SACS: variants seen among roughly 807,000 people sequenced by gnomAD.
SACS encodes the protein sacsin molecular chaperone.
SACS carries 197 observed loss-of-function variants against 348.0 expected under a neutral mutation model. That is an observed-to-expected ratio of 0.57 (90% CI 0.50 to 0.64). The LOEUF is 0.64. Among genes scored for constraint, SACS ranks in the 30% least tolerant of loss-of-function variants. The probability of loss-of-function intolerance (pLI) is 0.00; values close to 1 mark genes in which losing one functional copy is unlikely to be tolerated. For synonymous variants in SACS, 1,985 were observed against 1,910.6 expected (o/e 1.04, Z -1.02); for missense variants, 4,999 against 5,360.8 (o/e 0.93, Z 2.11).
At chr13:23,412,190 T>C (rs867667732) in intron 1 of SACS, among the ~76,000 whole-genome samples, 8 of 151,794 alleles carry the variant, frequency 5.3e-5, no homozygotes, top group Middle Eastern at 6.8e-3. Context: ...ACCCGGGAGG[T>C]GGAGCTTGCA....
chr13:23,332,920 T>G lies in SACS; in HGVS notation c.10956A>C (p.Pro3652=). ...GNFLKELSLI[P]FLCPERAPAE... is the part of the protein sequence containing the mutation. ...CGGGGGCCCGCTCAGGACATAAGAA[T>G]GGTATTAAAGATAGTTCTTTCAGAA... Residue 3652 remains proline (P), a synonymous_variant, in exon 10 of 10, where the codon CCA becomes CCC. Transcript: ENST00000382292. 1 of 1,613,918 alleles carries G rather than the reference T, an allele frequency of 6.2e-7. No individual in the cohort carries two copies. The highest frequency in any genetic ancestry group is 1.3e-5 in the African/African-American group (1 of 75,056).
In SACS at chr13:23,405,383, T is replaced by A. The variant is rs12583530; in HGVS notation, c.20+5837A>T. ...TTGCAGAAAACTGAAACTGGACTCC[T>A]TACACCTTATACAAACATTAACTCA... On this transcript the variant is annotated intron_variant, in intron 2 of 9. Coordinates refer to ENST00000382292, the MANE Select transcript of SACS (RefSeq NM_014363.6). 6.6e-5 allele frequency among the ~76,000 whole-genome samples: 10 copies of A among 151,962 alleles called. No individual in the cohort carries two copies. The Middle Eastern group carries it at 0.01, about 156-fold the overall frequency.
In SACS at chr13:23,336,010, A is replaced by T; in HGVS notation, c.7866T>A (p.Tyr2622Ter). The T allele has an allele frequency of 6.2e-7, 1 of 1,613,156 alleles. No homozygotes were observed. Among genetic ancestry groups the T allele is most frequent in the Admixed American group, 1.7e-5 (1 of 59,994 alleles). Residue 2622 changes from tyrosine (Y) to a stop codon, truncating the protein, a stop_gained, in exon 10 of 10, where the codon TAT becomes TAA. Coordinates refer to ENST00000382292, the MANE Select transcript of SACS (RefSeq NM_014363.6). LOFTEE classifies it high-confidence loss of function. ...GATACACAGAATTGAATCCTATTCC[A>T]TACTGTCCAGTTTTATAAGGATTTC... ...KEGNPYKTGQ[Y>*]GIGFNSVYHI...
At position 23,429,345 on chromosome 13, in the gene SACS, A is replaced by ATTTTTTTTTTT. The variant is rs536939164; in HGVS notation, c.-502+4259_-502+4269dup. Reference sequence around the variant, plus strand: ...CTGTGATTCAGTCGTTGAGGTAGGGATTTTTTTTTTTTTTTTTTTTTTTTT... The same window carrying ATTTTTTTTTTT: ...CTGTGATTCAGTCGTTGAGGTAGGGATTTTTTTTTTTTTTTTTTTTTTTTTTTTTTTTTTTT... On this transcript the variant is annotated intron_variant, in intron 1 of 9. Transcript: ENST00000382292. Among the ~76,000 whole-genome samples, 48 of 51,474 alleles carry ATTTTTTTTTTT rather than the reference A, an allele frequency of 9.3e-4. 5 individuals are homozygous for ATTTTTTTTTTT. The highest frequency in any genetic ancestry group is 1.3e-3 in the Non-Finnish European group (38 of 28,790). 33.8% of individuals were successfully genotyped at this position (51,474 alleles called of 152,430 possible).
In SACS at chr13:23,358,521, A is replaced by G; in HGVS notation, c.458-40T>C. 1.9e-6 allele frequency: 3 copies of G among 1,609,888 alleles called. No individual in the cohort carries two copies. The South Asian group carries it at 3.3e-5, about 18-fold the overall frequency. ...GCGCAGGCAGGAATTCAAAAAAGAT[A>G]CCAGGGTGTTCTGTTCTATCTCAAG... is the stretch of plus-strand genomic sequence containing the variant. On this transcript the variant is annotated intron_variant, in intron 6 of 9. Coordinates refer to ENST00000382292, the MANE Select transcript of SACS (RefSeq NM_014363.6).
intron 2 of SACS, chr13:23,375,599 G>A (rs1871741423): frequency 4.0e-6 from 4 of 1,004,824 alleles, no homozygotes; most frequent in Non-Finnish European, 4.8e-6. Flanking sequence ...GGCGCCGCCC[G>A]CGGGGACACG....
At chr13:23,429,938 G>T in intron 1 of SACS, among the ~76,000 whole-genome samples, 1 of 151,872 alleles carries the variant, frequency 6.6e-6, no homozygotes, top group East Asian at 1.9e-4. Context: ...AATATTGGCT[G>T]GGCTCACGCC....
In SACS at chr13:23,371,087, T is replaced by C; in HGVS notation, c.250A>G (p.Lys84Glu). The change falls in exon 4 of 10, where the codon AAA (lysine) becomes GAA (glutamate). Residue 84 changes from lysine (K) to glutamate (E), a missense_variant. By Grantham distance (56) the Lys-to-Glu change is moderately conservative (BLOSUM62 1). Coordinates refer to ENST00000382292, the MANE Select transcript of SACS (RefSeq NM_014363.6). ...AAAGTCAATATTATACCTCCCCCTT[T>C]TAAGCCTTTTGATTGAAGGTTTACA... ...LFVNLQSKGLKGGGRFGQTTP... is the reference protein window; with the variant it reads ...LFVNLQSKGLEGGGRFGQTTP... 6.2e-7 allele frequency: 1 copy of C among 1,600,070 alleles called. No homozygotes were observed. The highest frequency in any genetic ancestry group is 1.3e-5 in the African/African-American group (1 of 74,760).
chr13:23,433,311 A>G (rs1391687857), intron 1 of SACS, among the ~76,000 whole-genome samples: 2 of 152,148 alleles, frequency 1.3e-5, no homozygotes, highest in Non-Finnish European at 2.9e-5. Context: ...AGATCTCTCT[A>G]GTCACCCTGC....
Position 23,341,723 on chromosome 13 carries a change from A to G in SACS, c.2186-33T>C, listed in dbSNP as rs201638502. On this transcript the variant is annotated intron_variant, in intron 9 of 9. Transcript: ENST00000382292. Reference sequence around the variant, plus strand: ...TCATACACAGAAATGTCATAAATACATATAATTCTACTACAACAGCTTTCT... The same window carrying G: ...TCATACACAGAAATGTCATAAATACGTATAATTCTACTACAACAGCTTTCT... The G allele has an allele frequency of 9.9e-5, 156 of 1,575,288 alleles. No individual in the cohort carries two copies. The East Asian group carries it at 2.7e-3, about 28-fold the overall frequency.
intron 3 of SACS, among the ~76,000 whole-genome samples, chr13:23,371,439 A>C (rs1375633585): frequency 6.6e-6 from 1 of 152,256 alleles, no homozygotes. Flanking sequence ...TAAATGATGA[A>C]TCGGGATCAT....
intron 3 of SACS, among the ~76,000 whole-genome samples, chr13:23,374,872 A>C (rs969632499): frequency 6.6e-6 from 1 of 152,168 alleles, no homozygotes; most frequent in African/African-American, 2.4e-5. Context: ...TCCAATGTCC[A>C]CCAAAAAAAA....
intron 6 of SACS, among the ~76,000 whole-genome samples, chr13:23,361,378 AT>A (rs2137759720): frequency 6.6e-6 from 1 of 152,316 alleles, no homozygotes; most frequent in African/African-American, 2.4e-5. Context: ...ACTCAGTCTC[AT>A]TGGTTCACTC....
At chr13:23,426,143 C>T (rs1874164343) in intron 1 of SACS, among the ~76,000 whole-genome samples, 1 of 152,174 alleles carries the variant, frequency 6.6e-6, no homozygotes, top group Admixed American at 6.5e-5. Context: ...TTCCCCACGA[C>T]TGAGTGCCTG....
rs760703347 is a variant in SACS, at chr13:23,333,345, A to G, written c.10531T>C (p.Ser3511Pro). ...KNRLSSAEEL[S>P]EIKEQLFEKL... ...TCAAAAAGTTGTTCCTTAATCTCTG[A>G]TAATTCCTCAGCACTTGATAATCTA... The change falls in exon 10 of 10, where the codon TCA becomes CCA. Residue 3511 changes from serine to proline, a missense_variant. By Grantham distance (74) the Ser-to-Pro change is moderately conservative. Around this residue, in one of 6 missense-constraint regions of SACS, gnomAD observed 734 missense variants for 694.0 expected, o/e 1.06. Coordinates refer to ENST00000382292, the MANE Select transcript of SACS (RefSeq NM_014363.6). The G allele has an allele frequency of 1.2e-6, 2 of 1,600,104 alleles. No homozygotes were observed. Among genetic ancestry groups the G allele is most frequent in the South Asian group, 1.1e-5 (1 of 87,304 alleles).
In SACS at chr13:23,334,054, A is replaced by C; in HGVS notation, c.9822T>G (p.Thr3274=). 1 of 1,613,828 alleles carries C rather than the reference A, an allele frequency of 6.2e-7. No homozygotes were observed. Among genetic ancestry groups the C allele is most frequent in the Middle Eastern group, 1.6e-4 (1 of 6,062 alleles). The change falls in exon 10 of 10, where the codon ACT becomes ACG. Residue 3274 remains threonine, a synonymous_variant. Coordinates refer to ENST00000382292, the MANE Select transcript of SACS (RefSeq NM_014363.6). ...TKPTFDIVVD[T]LKDWALLPGT... The stretch of plus-strand genomic sequence containing the variant: ...CTGGAAGCAATGCCCAGTCTTTTAG[A>C]GTATCAACAACAATGTCAAATGTTG...
At chr13:23,409,734 T>C (rs1341370811) in intron 2 of SACS, among the ~76,000 whole-genome samples, 1 of 152,198 alleles carries the variant, frequency 6.6e-6, no homozygotes, top group African/African-American at 2.4e-5. Flanking sequence ...AATGTGGCTA[T>C]ATCTAGTCAC....
intron 2 of SACS, among the ~76,000 whole-genome samples, chr13:23,409,565 C>G (rs1873401152): frequency 6.6e-6 from 1 of 151,374 alleles, no homozygotes; most frequent in African/African-American, 2.4e-5. Context: ...TCAGGCTAGT[C>G]TGGAACTCCT....
Position 23,338,788 on chromosome 13 carries a change from C to G in SACS, c.5088G>C (p.Lys1696Asn). Residue 1696 changes from lysine (K) to asparagine (N), a missense_variant, in exon 10 of 10, where the codon AAG (lysine) becomes AAC (asparagine). Around this residue, in one of 6 missense-constraint regions of SACS, gnomAD observed 3,156 missense variants for 3,380.1 expected, o/e 0.93. Transcript: ENST00000382292. ...GGTTGGTTTCCTCAATTTTCAAGTA[C>G]TTCAAATACATTGACTTTACACTCT... ...FTQSVKSMYL[K>N]YLKIEETNPS... is the part of the protein sequence containing the mutation. 6.2e-7 allele frequency: 1 copy of G among 1,612,534 alleles called. No individual in the cohort carries two copies. Among genetic ancestry groups the G allele is most frequent in the African/African-American group, 1.3e-5 (1 of 74,944 alleles).
Sources: allele counts gnomAD v4.1 joint callset (sites outside exome capture counted in the v4.1 genomes callset), GRCh38; gene constraint gnomAD v4.1.1; regional missense constraint gnomAD v4.1.1; transcripts MANE v1.5; gene names NCBI Gene and HGNC (gene_info 2026-07-23, HGNC 2026-07-21).